Variants in DGLUCY observed in about 807,000 individuals in gnomAD.
DGLUCY encodes D-glutamate cyclase, also known as D-glutamate cyclase, mitochondrial.
A neutral mutation model predicts 58.5 loss-of-function variants in DGLUCY; 58 were observed. The observed-to-expected ratio is 0.99, with a 90% confidence interval of 0.80 to 1.23. The LOEUF is 1.23. Ranked by LOEUF, DGLUCY falls within the 50% of genes most tolerant of loss-of-function variation. The probability of loss-of-function intolerance (pLI) is 0.00; values close to 1 mark genes in which losing one functional copy is unlikely to be tolerated. For missense variants in DGLUCY, 779 were observed against 784.7 expected (o/e 0.99, Z 0.09); for synonymous variants, 325 against 314.1 (o/e 1.03, Z -0.37).
intron 1 of DGLUCY, chr14:91,060,755 G>T: frequency 4.3e-6 from 1 of 232,836 alleles, no homozygotes; most frequent in Non-Finnish European, 8.4e-6. Context: ...GGGCGCGCGC[G>T]TCTGCCAACG....
chr14:91,193,241 G>A (rs1358335236), intron 9 of DGLUCY, among the ~76,000 whole-genome samples: 8 of 152,186 alleles, frequency 5.3e-5, no homozygotes, highest in Non-Finnish European at 8.8e-5. Context: ...TGCCGACGGC[G>A]TAGAGCACCA....
chr14:91,215,649 C>T, intron 13 of DGLUCY, 93 bp downstream of exon 13: 2 of 1,601,182 alleles, frequency 1.2e-6, no homozygotes, highest in Non-Finnish European at 1.7e-6. Flanking sequence ...CGAGGGCTGG[C>T]ACCCTGCTGC....
At chr14:91,083,587 A>G (rs1457676691) in intron 1 of DGLUCY, among the ~76,000 whole-genome samples, 2 of 151,894 alleles carry the variant, frequency 1.3e-5, no homozygotes, top group Non-Finnish European at 1.5e-5. Flanking sequence ...CCTGACCCAG[A>G]TGTCCTACTG....
At chr14:91,156,621 ACTGT>A (rs967829344) in intron 1 of DGLUCY, among the ~76,000 whole-genome samples, 5 of 152,186 alleles carry the variant, frequency 3.3e-5, no homozygotes, top group Admixed American at 6.6e-5. Flanking sequence ...CTAGGGGTTG[ACTGT>A]CTGTGGGGCT....
chr14:91,062,150 G>A (rs999621356), intron 1 of DGLUCY, among the ~76,000 whole-genome samples: 1 of 152,178 alleles, frequency 6.6e-6, no homozygotes, highest in Admixed American at 6.5e-5. Flanking sequence ...AGAAGTAGCT[G>A]TGTTCCAATA....
intron 6 of DGLUCY, among the ~76,000 whole-genome samples, chr14:91,174,581 C>T (rs2048755926): frequency 6.6e-6 from 1 of 152,180 alleles, no homozygotes; most frequent in Admixed American, 6.5e-5. Context: ...GCTGGGATTA[C>T]AGGTATGAGC....
chr14:91,222,075 C>T (rs375349313), intron 13 of DGLUCY, among the ~76,000 whole-genome samples: 1 of 152,234 alleles, frequency 6.6e-6, no homozygotes, highest in Non-Finnish European at 1.5e-5. Flanking sequence ...CATTCCTCCT[C>T]TCCTGCCCTG....
intron 1 of DGLUCY, among the ~76,000 whole-genome samples, chr14:91,129,731 C>T (rs2045928187): frequency 6.6e-6 from 1 of 152,042 alleles, no homozygotes; most frequent in Admixed American, 6.6e-5. Context: ...ACCACAACCT[C>T]TGCCTTCCGG....
chr14:91,090,690 G>T, intron 1 of DGLUCY, among the ~76,000 whole-genome samples: 1 of 152,180 alleles, frequency 6.6e-6, no homozygotes, highest in East Asian at 1.9e-4. Context: ...ACCCTATTTG[G>T]TCACAGATAG....
chr14:91,088,309 G>A (rs537851539), intron 1 of DGLUCY, among the ~76,000 whole-genome samples: 1 of 152,226 alleles, frequency 6.6e-6, no homozygotes, highest in South Asian at 2.1e-4. Flanking sequence ...CCTCCCTGGG[G>A]GTTACATAAT....
intron 1 of DGLUCY, among the ~76,000 whole-genome samples, chr14:91,084,436 C>G (rs141385390): frequency 6.6e-6 from 1 of 152,034 alleles, no homozygotes; most frequent in African/African-American, 2.4e-5. Flanking sequence ...ATCTCCTGAC[C>G]TCAAGTGACC....
At chr14:91,167,599 T>G in intron 4 of DGLUCY, 1 of 727,682 alleles carries the variant, frequency 1.4e-6, no homozygotes, top group Non-Finnish European at 2.5e-6. Flanking sequence ...ATCTTTGAGA[T>G]CATGGAGAAA....
chr14:91,075,201 A>G (rs908434159), intron 1 of DGLUCY, among the ~76,000 whole-genome samples: 6 of 151,890 alleles, frequency 4.0e-5, no homozygotes, highest in African/African-American at 7.3e-5. Flanking sequence ...TCTTTATCCA[A>G]TTAGGTATTT....
intron 9 of DGLUCY, among the ~76,000 whole-genome samples, chr14:91,195,764 A>G (rs1399624932): frequency 2.1e-5 from 3 of 140,330 alleles, no homozygotes; most frequent in Non-Finnish European, 4.5e-5. Flanking sequence ...TCTGCCTCCC[A>G]GGTTCAAGCA....
intron 1 of DGLUCY, among the ~76,000 whole-genome samples, chr14:91,093,574 G>C (rs1455447810): frequency 6.6e-6 from 1 of 152,126 alleles, no homozygotes; most frequent in African/African-American, 2.4e-5. Context: ...TTGAGGCCAA[G>C]GTGGGTGGAT....
At chr14:91,173,248 T>G in intron 5 of DGLUCY, 41 bp from the exon 6 acceptor site, 1 of 1,611,512 alleles carries the variant, frequency 6.2e-7, no homozygotes, top group Non-Finnish European at 8.5e-7. Flanking sequence ...CTAATTCCAT[T>G]TTTTAACATT....
chr14:91,132,644 A>T (rs950489384), intron 1 of DGLUCY, among the ~76,000 whole-genome samples: 4 of 151,876 alleles, frequency 2.6e-5, no homozygotes, highest in Admixed American at 6.6e-5. Flanking sequence ...GCGCCCGGCT[A>T]ATTTTTGTGT....
intron 1 of DGLUCY, among the ~76,000 whole-genome samples, chr14:91,120,780 G>A (rs1363252863): frequency 2.0e-5 from 3 of 152,114 alleles, no homozygotes; most frequent in Non-Finnish European, 2.9e-5. Flanking sequence ...ATCAGGTTCT[G>A]GCAAGTCTAC....
chr14:91,202,061 T>A (rs1209799554), intron 11 of DGLUCY, among the ~76,000 whole-genome samples: 3 of 121,666 alleles, frequency 2.5e-5, no homozygotes, highest in African/African-American at 9.3e-5. Context: ...GTCTCAAAAA[T>A]AATAATAATA....
Sources: gnomAD v4.1 joint callset for allele counts (sites outside exome capture counted in the v4.1 genomes callset) on GRCh38, gnomAD v4.1.1 for gene constraint, MANE v1.5 for transcripts, NCBI Gene and HGNC (gene_info 2026-07-23, HGNC 2026-07-21) for gene names.